The following SORCS2 variants were observed in gnomAD, a reference collection of about 807,000 sequenced individuals.
SORCS2 encodes the protein sortilin related VPS10 domain containing receptor 2.
Under a neutral mutation model 141.6 loss-of-function variants are expected in SORCS2, and 100 were observed. The ratio of observed to expected loss-of-function variants is 0.71; its 90% CI spans 0.60 to 0.83. The LOEUF (loss-of-function observed/expected upper bound fraction) is 0.83, where lower values mean the gene tolerates loss of function less well. Ranked by LOEUF, SORCS2 falls within the 40% of genes least tolerant of loss-of-function variation. The probability of loss-of-function intolerance (pLI) is 0.00; values close to 1 mark genes in which losing one functional copy is unlikely to be tolerated. For missense variants in SORCS2, 1,646 were observed against 1,560.2 expected (o/e 1.05, Z -0.93); for synonymous variants, 789 against 676.9 (o/e 1.17, Z -2.57).
At chr4:7,682,976 G>A (rs1243368612) in intron 10 of SORCS2, 87 bp downstream of exon 10, 1 of 1,477,886 alleles carries the variant, frequency 6.8e-7, no homozygotes, top group Admixed American at 2.2e-5. Context: ...AGGTGGTGAT[G>A]TCTGAGAAGG....
chr4:7,621,705 C>A, intron 3 of SORCS2, among the ~76,000 whole-genome samples: 1 of 152,186 alleles, frequency 6.6e-6, no homozygotes, highest in South Asian at 2.1e-4. Context: ...CACACAGAAA[C>A]CCAGTCAATA....
intron 1 of SORCS2, among the ~76,000 whole-genome samples, chr4:7,270,275 C>G (rs1021223148): frequency 6.6e-6 from 1 of 152,272 alleles, no homozygotes; most frequent in Non-Finnish European, 1.5e-5. Context: ...GAGCTGACAG[C>G]ACGCGTGTGG....
At chr4:7,729,920 G>T (rs1711539041) in intron 23 of SORCS2, among the ~76,000 whole-genome samples, 1 of 152,132 alleles carries the variant, frequency 6.6e-6, no homozygotes, top group African/African-American at 2.4e-5. Flanking sequence ...TGCGGCAGAG[G>T]TAGTCGGGGG....
intron 2 of SORCS2, among the ~76,000 whole-genome samples, chr4:7,464,841 G>A (rs907140317): frequency 3.3e-5 from 5 of 152,230 alleles, no homozygotes; most frequent in African/African-American, 4.8e-5. Context: ...GGAGGGGCCT[G>A]AGAAATGCAG....
rs567534039 is a variant in SORCS2 at position 7,493,905 on chromosome 4, A to G, written c.549-37625A>G. Among the ~76,000 whole-genome samples, 25 of 152,376 alleles carry G rather than the reference A, an allele frequency of 1.6e-4. No homozygotes were observed. The South Asian group carries it at 5.0e-3, about 30-fold the overall frequency. On this transcript the variant is annotated intron_variant, in intron 2 of 26. Coordinates refer to ENST00000507866, the MANE Select transcript of SORCS2 (RefSeq NM_020777.3). ...ACACCCTCGAAATAAACCAGGAAGT[A>G]AAAGTGTGTTAACACTGGGACACAA...
Position 7,741,375 on chromosome 4 carries a change from T to C in SORCS2, c.*1111T>C, listed in dbSNP as rs1273316357. 2 of 288,430 alleles carry C rather than the reference T, an allele frequency of 6.9e-6. No homozygotes were observed. The highest frequency in any genetic ancestry group is 1.3e-5 in the Non-Finnish European group (2 of 158,152). 17.9% of individuals were successfully genotyped at this position (288,430 alleles called of 1,614,324 possible). A position where few individuals can be genotyped will look rare whatever the true frequency, so the allele number is the denominator to read the frequency against. On this transcript the variant is annotated 3_prime_UTR_variant, in exon 27 of 27. Coordinates refer to ENST00000507866, the MANE Select transcript of SORCS2 (RefSeq NM_020777.3). ...CCGAACCCAGCCCTCTGCGCGCCAG[T>C]GCTGTGCGGTCTCCACACCCTTACG...
In SORCS2 at chr4:7,582,388, C is replaced by T. The variant is rs566259657; in HGVS notation, c.648+50759C>T. Among the ~76,000 whole-genome samples the T allele has an allele frequency of 2.7e-3, 407 of 152,320 alleles. 2 individuals carry two copies. The highest frequency in any genetic ancestry group is 5.8e-3 in the South Asian group (28 of 4,832). On this transcript the variant is annotated intron_variant, in intron 3 of 26. Transcript: ENST00000507866. ...CATGATTATGTCACACTTCACTTAC[C>T]CTTCTCCAGGTAGTTGAACATCTGG...
chr4:7,265,073 A>C (rs1272768161), intron 1 of SORCS2, among the ~76,000 whole-genome samples: 1 of 152,212 alleles, frequency 6.6e-6, no homozygotes, highest in Non-Finnish European at 1.5e-5. Flanking sequence ...CATGCTCTGC[A>C]TGGGACTTCT....
intron 1 of SORCS2, among the ~76,000 whole-genome samples, chr4:7,338,428 A>G (rs1236165749): frequency 6.6e-6 from 1 of 151,182 alleles, no homozygotes; most frequent in Non-Finnish European, 1.5e-5. Context: ...GGAAGGATGG[A>G]TGGATGGATG....
At chr4:7,612,215 C>A (rs1021554203) in intron 3 of SORCS2, among the ~76,000 whole-genome samples, 1 of 152,140 alleles carries the variant, frequency 6.6e-6, no homozygotes, top group African/African-American at 2.4e-5. Context: ...ACAATGAGAT[C>A]ACTCAGACAG....
intron 3 of SORCS2, among the ~76,000 whole-genome samples, chr4:7,543,642 AT>A (rs1712907742): frequency 7.1e-6 from 1 of 141,306 alleles, no homozygotes; most frequent in Admixed American, 7.0e-5. Flanking sequence ...CCATCCGTCC[AT>A]CCGTCCATCC....
rs1560446351 is a variant in SORCS2 at position 7,638,611 on chromosome 4, A to T, written c.813+119A>T. ...GGAACCCCTGGGCTGGCTGAGGAGG[A>T]GCCTCCCGGGGCTGGGGGCCGGGAT... On this transcript the variant is annotated intron_variant, in intron 4 of 26. Coordinates refer to ENST00000507866, the MANE Select transcript of SORCS2 (RefSeq NM_020777.3). 11 of 1,069,238 alleles carry T rather than the reference A, an allele frequency of 1.0e-5. No individual in the cohort carries two copies. In the East Asian group the frequency reaches 3.2e-4, roughly 31 times the overall value. The allele number at this position is 1,069,238 out of a possible 1,614,324, so 66.2% of individuals were successfully genotyped here. A position where few individuals can be genotyped will look rare whatever the true frequency, so the allele number is the denominator to read the frequency against.
chr4:7,719,683 C>A (rs1349324531), intron 18 of SORCS2, among the ~76,000 whole-genome samples: 1 of 152,204 alleles, frequency 6.6e-6, no homozygotes, highest in African/African-American at 2.4e-5. Flanking sequence ...CCCGCTTGGA[C>A]CCTCAGAGTA....
Position 7,714,377 on chromosome 4 carries a change from A to G in SORCS2, c.2123+4A>G, listed in dbSNP as rs1187499980. On this transcript the variant is annotated splice_donor_region_variant and intron_variant, in intron 16 of 26. Transcript: ENST00000507866. The stretch of plus-strand genomic sequence containing the variant: ...GCCGGGACTCGGACTTCCTGTGGTG[A>G]GCGACGGGCTCCTGGCCACGAGGCC... 12 of 1,550,700 alleles carry G rather than the reference A, an allele frequency of 7.7e-6. No individual in the cohort carries two copies. The highest frequency in any genetic ancestry group is 1.0e-5 in the Non-Finnish European group (12 of 1,146,968).
chr4:7,431,130 C>T (rs989546862), intron 2 of SORCS2: 5 of 152,450 alleles, frequency 3.3e-5, no homozygotes, highest in Non-Finnish European at 7.3e-5. Context: ...GGGCCGTGCT[C>T]ATGACCTGGG....
Position 7,603,028 on chromosome 4 carries a change from G to A in SORCS2, c.649-35300G>A, listed in dbSNP as rs1717836794. On this transcript the variant is annotated intron_variant, in intron 3 of 26. Coordinates refer to ENST00000507866, the MANE Select transcript of SORCS2 (RefSeq NM_020777.3). ...ACAAAAACCAGTCAGGCGTGGTGGTGTGCGCCTGCAATCGCAGGCACTCCG... is the reference window on the plus strand; with the variant it reads ...ACAAAAACCAGTCAGGCGTGGTGGTATGCGCCTGCAATCGCAGGCACTCCG... 2.0e-5 allele frequency among the ~76,000 whole-genome samples: 3 copies of A among 152,222 alleles called. No individual in the cohort carries two copies. In the South Asian group the frequency reaches 6.2e-4, roughly 32 times the overall value.
chr4:7,611,016 C>CG (rs1369063171), intron 3 of SORCS2, among the ~76,000 whole-genome samples: 6 of 152,184 alleles, frequency 3.9e-5, no homozygotes, highest in Non-Finnish European at 8.8e-5. Context: ...ACACTGAGAA[C>CG]GGAGGGTGGC....
chr4:7,617,272 C>CCCCATTAT (rs1324845241), intron 3 of SORCS2, among the ~76,000 whole-genome samples: 1 of 152,164 alleles, frequency 6.6e-6, no homozygotes, highest in African/African-American at 2.4e-5. Context: ...CACCCACTCA[C>CCCCATTAT]CCCATTATCC....
rs574605706 is a variant in SORCS2 at position 7,690,511 on chromosome 4, A to G, written c.1591+923A>G. Among the ~76,000 whole-genome samples, 250 of 151,496 alleles carry G rather than the reference A, an allele frequency of 1.7e-3. 5 individuals carry two copies. The highest frequency in any genetic ancestry group is 1.4e-3 in the Non-Finnish European group (95 of 67,892). ...TGGATGATGGATAGATGCTGAATGGATGGATGGATAGATGAATGGATGGAT... is the reference window on the plus strand; with the variant it reads ...TGGATGATGGATAGATGCTGAATGGGTGGATGGATAGATGAATGGATGGAT... On this transcript the variant is annotated intron_variant, in intron 11 of 26. Coordinates refer to ENST00000507866, the MANE Select transcript of SORCS2 (RefSeq NM_020777.3).
Sources: allele counts gnomAD v4.1 joint callset (sites outside exome capture counted in the v4.1 genomes callset), GRCh38; gene constraint gnomAD v4.1.1; transcripts MANE v1.5; gene names NCBI Gene and HGNC (gene_info 2026-07-23, HGNC 2026-07-21).